LMNA: variants seen among roughly 807,000 people sequenced by gnomAD.
LMNA encodes the protein lamin A/C.
Under a neutral mutation model 70.4 loss-of-function variants are expected in LMNA, and 20 were observed. The ratio of observed to expected loss-of-function variants is 0.28; its 90% CI spans 0.20 to 0.41. LMNA has a LOEUF of 0.41. LMNA is among the 10% of genes least tolerant of loss of function. The pLI, the probability that LMNA is intolerant of heterozygous loss-of-function variation, is 1.00. For missense variants in LMNA, 652 were observed against 917.2 expected (o/e 0.71, Z 3.73); for synonymous variants, 339 against 372.8 (o/e 0.91, Z 1.04).
rs368542816 is a variant in LMNA at position 156,136,380 on chromosome 1, G to A, written c.1324G>A (p.Val442Met). The change falls in exon 7 of 12, where the codon GTG becomes ATG. Residue 442 changes from valine (V) to methionine (M), a missense_variant. By Grantham distance (21) the Val-to-Met change is conservative (BLOSUM62 1). Coordinates refer to ENST00000368300, the MANE Select transcript of LMNA (RefSeq NM_170707.4). This position sits in a 1 kb window ranked among gnomAD's most constrained non-coding sequence, Gnocchi z 6.1. ...QHARTSGRVA[V>M]EEVDEEGKFV... is the part of the protein sequence containing the mutation. Reference sequence around the variant, plus strand: ...CGCACGCACTAGCGGGCGCGTGGCCGTGGAGGAGGTGGATGAGGAGGGCAA... The same window carrying A: ...CGCACGCACTAGCGGGCGCGTGGCCATGGAGGAGGTGGATGAGGAGGGCAA... 1.5e-5 allele frequency: 24 copies of A among 1,610,776 alleles called. No homozygotes were observed. The highest frequency in any genetic ancestry group is 5.0e-5 in the Admixed American group (3 of 59,748).
chr1:156,116,777 T>C (rs1445574690), intron 1 of LMNA, among the ~76,000 whole-genome samples: 1 of 152,090 alleles, frequency 6.6e-6, no homozygotes, highest in African/African-American at 2.4e-5. Context: ...TTCGTCAGGC[T>C]AGTCTTGAAC....
At position 156,139,964 on chromosome 1, in the gene LMNA, G is replaced by T; in HGVS notation, c.*858G>T. ...CTGGCACCCACCGTGGAGGAGGAAG[G>T]CAAGAGGGGGTGGAGGGGTGTGGCA... On this transcript the variant is annotated 3_prime_UTR_variant, in exon 12 of 12. Transcript: ENST00000368300. The T allele has an allele frequency of 1.2e-6, 1 of 864,404 alleles. No homozygotes were observed. The highest frequency in any genetic ancestry group is 1.7e-6 in the Non-Finnish European group (1 of 592,902). 53.5% of individuals were successfully genotyped at this position (864,404 alleles called of 1,614,324 possible).
intron 2 of LMNA, among the ~76,000 whole-genome samples, chr1:156,132,030 G>T (rs201352017): frequency 6.6e-6 from 1 of 152,080 alleles, no homozygotes; most frequent in African/African-American, 2.4e-5. Flanking sequence ...TTAGCCAGGC[G>T]TGGTGGCACA....
chr1:156,104,175 CG>C (rs1649239470), intron 3 of LMNA, among the ~76,000 whole-genome samples: 1 of 152,192 alleles, frequency 6.6e-6, no homozygotes, highest in Non-Finnish European at 1.5e-5. Context: ...CGGCAGGGGT[CG>C]GGGTGATCCC....
chr1:156,138,248 C>T lies in LMNA; in HGVS notation c.1699-240C>T. On this transcript the variant is annotated intron_variant, in intron 10 of 11. Transcript: ENST00000368300. This position sits in a 1 kb window ranked among gnomAD's most constrained non-coding sequence, Gnocchi z 5.5. Reference sequence around the variant, plus strand: ...AAGCTCAGAGTAGCTAGAACAGAGTCAGAGTCACTGCTCTGGTTCTCTGTC... The same window carrying T: ...AAGCTCAGAGTAGCTAGAACAGAGTTAGAGTCACTGCTCTGGTTCTCTGTC... The T allele has an allele frequency of 3.4e-6, 2 of 596,792 alleles. No individual in the cohort carries two copies. Among genetic ancestry groups the T allele is most frequent in the East Asian group, 2.8e-5 (1 of 35,994 alleles). 37.0% of individuals were successfully genotyped at this position (596,792 alleles called of 1,614,324 possible). A position where few individuals can be genotyped will look rare whatever the true frequency, so the allele number is the denominator to read the frequency against.
At position 156,135,331 on chromosome 1, in the gene LMNA, C is replaced by T. The variant is rs201664413; in HGVS notation, c.936+19C>T. On this transcript the variant is annotated intron_variant, in intron 5 of 11. Transcript: ENST00000368300. This position sits in a 1 kb window ranked among gnomAD's most constrained non-coding sequence, Gnocchi z 4.8. ...GAAGCAGGTGATACCCCACCTCACC[C>T]CTCTCTCCAGGGGCCTAGAGTCTGG... 6 of 1,611,532 alleles carry T rather than the reference C, an allele frequency of 3.7e-6. No homozygotes were observed. The East Asian group carries it at 1.1e-4, about 30-fold the overall frequency.
At chr1:156,111,079 G>A (rs1463903348), upstream of LMNA, among the ~76,000 whole-genome samples, 2 of 152,092 alleles carry the variant, frequency 1.3e-5, no homozygotes, top group Non-Finnish European at 2.9e-5. Context: ...TCAGGAATGG[G>A]GGTCACAGAG....
chr1:156,095,662 G>A (rs926722947), intron 3 of LMNA, among the ~76,000 whole-genome samples: 1 of 152,152 alleles, frequency 6.6e-6, no homozygotes, highest in African/African-American at 2.4e-5. Flanking sequence ...CGGTGTCCAA[G>A]ACACTTCTAA....
intron 3 of LMNA, among the ~76,000 whole-genome samples, chr1:156,092,408 G>C (rs1648744086): frequency 6.6e-6 from 1 of 151,944 alleles, no homozygotes; most frequent in South Asian, 2.1e-4. Context: ...GCTGGGCACA[G>C]TGGCTCCTGT....
At chr1:156,127,070 G>A (rs1650652377) in intron 1 of LMNA, 2 of 731,708 alleles carry the variant, frequency 2.7e-6, no homozygotes, top group African/African-American at 3.6e-5. Context: ...CTCAGCGTGT[G>A]CTCAGCTTTC....
intron 3 of LMNA, among the ~76,000 whole-genome samples, chr1:156,092,259 CT>C (rs1288556052): frequency 6.6e-6 from 1 of 152,002 alleles, no homozygotes; most frequent in Non-Finnish European, 1.5e-5. Flanking sequence ...GTGAGTTGCT[CT>C]TGTAGTCTTA....
Position 156,138,809 on chromosome 1 carries a change from C to T in LMNA, c.1968+52C>T, listed in dbSNP as rs752264443. On this transcript the variant is annotated intron_variant, in intron 11 of 11. Coordinates refer to ENST00000368300, the MANE Select transcript of LMNA (RefSeq NM_170707.4). The surrounding 1 kb of genome is among the most constrained non-coding windows in gnomAD (Gnocchi z 5.5). ...ATCCTGCAGGCGGGTCCCTGGTCAT[C>T]GAGGGGTAGGACGAGGTGGCCTTGC... The T allele has an allele frequency of 1.6e-5, 25 of 1,610,476 alleles. No homozygotes were observed. Among genetic ancestry groups the T allele is most frequent in the African/African-American group, 6.7e-5 (5 of 74,816 alleles).
rs1385702133 is a variant in LMNA at position 156,115,473 on chromosome 1, T to G, written c.356+199T>G. ...TGTCAAGACAGGACAGAGAGGGAAG[T>G]GGTGGTCTCTGGGAGAGGGTCGGGG... On this transcript the variant is annotated intron_variant, in intron 1 of 11. Transcript: ENST00000368300. The surrounding 1 kb of genome is among the most constrained non-coding windows in gnomAD (Gnocchi z 5.8). Among the ~76,000 whole-genome samples, 1 of 151,624 alleles carries G rather than the reference T, an allele frequency of 6.6e-6. No homozygotes were observed. Among genetic ancestry groups the G allele is most frequent in the Non-Finnish European group, 1.5e-5 (1 of 67,888 alleles).
intron 3 of LMNA, among the ~76,000 whole-genome samples, chr1:156,099,897 C>A (rs886950587): frequency 6.6e-6 from 1 of 151,204 alleles, no homozygotes; most frequent in Non-Finnish European, 1.5e-5. Flanking sequence ...AGAAAAATGC[C>A]CATGTGTCAC....
chr1:156,113,363 ACCAGGATAGGGG>A (rs1649611766), upstream of LMNA, among the ~76,000 whole-genome samples: 1 of 151,992 alleles, frequency 6.6e-6, no homozygotes, highest in Non-Finnish European at 1.5e-5. Flanking sequence ...GGATGGTGGG[ACCAGGATAGGGG>A]CCAGGATGAG....
intron 2 of LMNA, among the ~76,000 whole-genome samples, chr1:156,085,526 A>G (rs1648442800): frequency 6.6e-6 from 1 of 152,168 alleles, no homozygotes; most frequent in African/African-American, 2.4e-5. Flanking sequence ...GGAGGACAGC[A>G]CTATGTCTCT....
At chr1:156,089,185 C>G (rs1648596928) in intron 2 of LMNA, among the ~76,000 whole-genome samples, 1 of 152,150 alleles carries the variant, frequency 6.6e-6, no homozygotes, top group African/African-American at 2.4e-5. Flanking sequence ...CCATGTTGGC[C>G]AGGCTGGTGT....
rs1649205606 is a variant in LMNA, at chr1:156,103,371, G to A, written c.-206-11342G>A. Among the ~76,000 whole-genome samples the A allele has an allele frequency of 6.6e-6, 1 of 152,118 alleles. No individual in the cohort carries two copies. Among genetic ancestry groups the A allele is most frequent in the East Asian group, 1.9e-4 (1 of 5,188 alleles). On this transcript the variant is annotated intron_variant, in intron 3 of 12. Transcript: ENST00000368301. This position sits in a 1 kb window ranked among gnomAD's most constrained non-coding sequence, Gnocchi z 4.7. ...TCCTAATGAGGCCGCCAAGGAAGAGGGCCCCCAGTATGCCCCTCTTGTGTG... is the reference window on the plus strand; with the variant it reads ...TCCTAATGAGGCCGCCAAGGAAGAGAGCCCCCAGTATGCCCCTCTTGTGTG...
At position 156,129,903 on chromosome 1, in the gene LMNA, A is replaced by G. The variant is rs775257062; in HGVS notation, c.357-714A>G. On this transcript the variant is annotated intron_variant, in intron 1 of 11. Coordinates refer to ENST00000368300, the MANE Select transcript of LMNA (RefSeq NM_170707.4). ...TGGAACCAGATGCTGAGGCTATGGTAGATGGGTAGGGCTCAGCCTTCTCCC... is the reference window on the plus strand; with the variant it reads ...TGGAACCAGATGCTGAGGCTATGGTGGATGGGTAGGGCTCAGCCTTCTCCC... The G allele has an allele frequency of 1.8e-5, 14 of 767,032 alleles. No individual in the cohort carries two copies. The highest frequency in any genetic ancestry group is 3.1e-5 in the Non-Finnish European group (13 of 412,910). 47.5% of individuals were successfully genotyped at this position (767,032 alleles called of 1,614,324 possible).
Sources: gnomAD v4.1 joint callset for allele counts (sites outside exome capture counted in the v4.1 genomes callset) on GRCh38, gnomAD v4.1.1 for gene constraint, Gnocchi (gnomAD v3.1) non-coding constraint, MANE v1.5 for transcripts, NCBI Gene and HGNC (gene_info 2026-07-23, HGNC 2026-07-21) for gene names.